CDC14B: variants seen among roughly 807,000 people sequenced by gnomAD.
CDC14B encodes the protein cell division cycle 14B.
In CDC14B, 22 loss-of-function variants were observed where a neutral mutation model predicts 64.2. The ratio of observed to expected loss-of-function variants is 0.34; its 90% confidence interval spans 0.24 to 0.49. CDC14B has a LOEUF of 0.49. Among genes scored for constraint, CDC14B ranks in the 20% least tolerant of loss-of-function variants. The pLI, the probability that CDC14B is intolerant of heterozygous loss-of-function variation, is 0.99. For synonymous variants in CDC14B, 191 were observed against 215.8 expected (o/e 0.89, Z 1.01); for missense variants, 498 against 629.9 (o/e 0.79, Z 2.24).
chr9:96,506,752 T>G (rs1285042994), intron 13 of CDC14B, among the ~76,000 whole-genome samples: 1 of 152,200 alleles, frequency 6.6e-6, no homozygotes, highest in African/African-American at 2.4e-5. Context: ...CTGAGGCAGA[T>G]GCTTGCTGCA....
At chr9:96,508,254 G>T (rs868113605) in intron 13 of CDC14B, among the ~76,000 whole-genome samples, 1 of 151,882 alleles carries the variant, frequency 6.6e-6, no homozygotes, top group African/African-American at 2.4e-5. Flanking sequence ...GACCTCAAGT[G>T]GTCCACCTGC....
chr9:96,494,922 T>C (rs541883906), intron 13 of CDC14B, among the ~76,000 whole-genome samples: 115 of 150,724 alleles, frequency 7.6e-4, no homozygotes, highest in African/African-American at 2.6e-3. Flanking sequence ...GCAAGCTCTG[T>C]CTCCCGGGTT....
rs561380638 is a variant in CDC14B at position 96,494,974 on chromosome 9, A to G, written c.*80+1233T>C. On this transcript the variant is annotated intron_variant and NMD_transcript_variant, in intron 13 of 13. Coordinates refer to the CDC14B transcript ENST00000474602. ...CTCAGCCTCCCAAGTAGCTGGGACTACAGGTACCTGCCACCACGCCCGGCT... is the reference window on the plus strand; with the variant it reads ...CTCAGCCTCCCAAGTAGCTGGGACTGCAGGTACCTGCCACCACGCCCGGCT... Among the ~76,000 whole-genome samples, 28 of 151,494 alleles carry G rather than the reference A, an allele frequency of 1.8e-4. 1 individual carries two copies. In the South Asian group the frequency reaches 5.2e-3, roughly 28 times the overall value.
intron 1 of CDC14B, among the ~76,000 whole-genome samples, chr9:96,600,277 T>A (rs969640839): frequency 3.3e-5 from 5 of 151,244 alleles, no homozygotes; most frequent in Non-Finnish European, 5.9e-5. Context: ...ATACATTTTT[T>A]AAAAAAATTC....
rs766500959 is a variant in CDC14B, at chr9:96,523,410, T to C, written c.1096A>G (p.Asn366Asp). The C allele has an allele frequency of 6.2e-7, 1 of 1,614,146 alleles. No homozygotes were observed. The highest frequency in any genetic ancestry group is 2.2e-5 in the East Asian group (1 of 44,884). ...QQQFLVMKQT[N>D]LWLEGDYFRQ... ...AAATAGTCCCCTTCCAGCCAGAGGTTGGTTTGCTTCCTAGAGCATTTAAAT... is the reference window on the plus strand; with the variant it reads ...AAATAGTCCCCTTCCAGCCAGAGGTCGGTTTGCTTCCTAGAGCATTTAAAT... The change falls in exon 11 of 14, where the codon AAC becomes GAC. Residue 366 changes from asparagine (N) to aspartate (D), a missense_variant. Transcript: ENST00000375241.
intron 5 of CDC14B, among the ~76,000 whole-genome samples, chr9:96,542,921 T>C (rs1163446452): frequency 6.6e-6 from 1 of 151,750 alleles, no homozygotes; most frequent in Non-Finnish European, 1.5e-5. Context: ...AGGCAGAGAA[T>C]TGCTTGAACA....
chr9:96,601,855 C>T (rs545685779), intron 1 of CDC14B, among the ~76,000 whole-genome samples: 4 of 146,840 alleles, frequency 2.7e-5, no homozygotes, highest in African/African-American at 1.0e-4. Context: ...GTCAGGAGAT[C>T]GAGACCATCC....
chr9:96,573,735 G>T (rs1249805967), intron 1 of CDC14B, among the ~76,000 whole-genome samples: 1 of 152,042 alleles, frequency 6.6e-6, no homozygotes, highest in Non-Finnish European at 1.5e-5. Context: ...GCTGATGTAT[G>T]AATTAAATGT....
At chr9:96,607,678 C>T (rs911730576) in intron 1 of CDC14B, among the ~76,000 whole-genome samples, 2 of 152,138 alleles carry the variant, frequency 1.3e-5, no homozygotes, top group South Asian at 4.1e-4. Flanking sequence ...CCGCCTTGGC[C>T]TCCCAAAGTG....
chr9:96,539,598 T>C (rs1403577339), intron 6 of CDC14B, among the ~76,000 whole-genome samples: 1 of 152,224 alleles, frequency 6.6e-6, no homozygotes. Context: ...AAAACCCTCA[T>C]ACTTCATCCA....
intron 6 of CDC14B, among the ~76,000 whole-genome samples, chr9:96,540,406 G>A (rs1443681919): frequency 2.6e-5 from 4 of 152,166 alleles, no homozygotes; most frequent in Non-Finnish European, 5.9e-5. Context: ...GCCAAGGTGA[G>A]TGGATCGCTT....
At chr9:96,576,497 G>T (rs1269754949) in intron 1 of CDC14B, among the ~76,000 whole-genome samples, 1 of 151,246 alleles carries the variant, frequency 6.6e-6, no homozygotes, top group Non-Finnish European at 1.5e-5. Flanking sequence ...TGGCACGGTG[G>T]CCATGGGTAC....
intron 4 of CDC14B, among the ~76,000 whole-genome samples, chr9:96,559,716 C>A (rs1842913134): frequency 6.6e-6 from 1 of 152,188 alleles, no homozygotes; most frequent in South Asian, 2.1e-4. Flanking sequence ...CAGCCAAGAG[C>A]TATAATCCTC....
chr9:96,611,736 T>C (rs1181143851), intron 1 of CDC14B, among the ~76,000 whole-genome samples: 1 of 152,108 alleles, frequency 6.6e-6, no homozygotes, highest in Non-Finnish European at 1.5e-5. Flanking sequence ...CAATTTGTTT[T>C]ACAAACAAAA....
At chr9:96,511,084 C>A (rs573514236) in intron 12 of CDC14B, among the ~76,000 whole-genome samples, 2 of 152,240 alleles carry the variant, frequency 1.3e-5, no homozygotes, top group East Asian at 3.9e-4. Flanking sequence ...GAACCCAGCT[C>A]AAAGGAGTAA....
intron 5 of CDC14B, among the ~76,000 whole-genome samples, chr9:96,547,567 C>T (rs796542438): frequency 2.6e-5 from 4 of 152,138 alleles, no homozygotes; most frequent in African/African-American, 9.6e-5. Flanking sequence ...GATCCTCCTG[C>T]CTTAGTCTCC....
chr9:96,517,844 AT>A (rs1362458910), intron 12 of CDC14B, among the ~76,000 whole-genome samples: 2 of 143,460 alleles, frequency 1.4e-5, no homozygotes, highest in African/African-American at 5.1e-5. Flanking sequence ...TTTTTTTTTT[AT>A]TTTTTTTGTA....
At chr9:96,494,731 C>CTT (rs1361533027) in intron 13 of CDC14B, among the ~76,000 whole-genome samples, 2 of 151,106 alleles carry the variant, frequency 1.3e-5, no homozygotes, top group African/African-American at 4.9e-5. Context: ...CCTTTCCTTT[C>CTT]TTTCCCTTCC....
downstream of CDC14B, among the ~76,000 whole-genome samples, chr9:96,498,442 G>A (rs1033774075): frequency 1.3e-5 from 2 of 152,184 alleles, no homozygotes; most frequent in African/African-American, 4.8e-5. Flanking sequence ...GAGGGGCCGC[G>A]GGAAGGGTCC....
Sources: allele counts gnomAD v4.1 joint callset (sites outside exome capture counted in the v4.1 genomes callset), GRCh38; gene constraint gnomAD v4.1.1; transcripts MANE v1.5; gene names NCBI Gene and HGNC (gene_info 2026-07-23, HGNC 2026-07-21).